CDH9: variants seen among roughly 807,000 people sequenced by gnomAD.
CDH9 encodes cadherin 9.
Under a neutral mutation model 70.9 loss-of-function variants are expected in CDH9, and 28 were observed. The ratio of observed to expected loss-of-function variants is 0.40; its 90% CI spans 0.29 to 0.54. The LOEUF is 0.54. Ranked by LOEUF, CDH9 falls within the 20% of genes least tolerant of loss-of-function variation. CDH9 has a pLI of 0.59. For missense variants in CDH9, 874 were observed against 984.4 expected (o/e 0.89, Z 1.50); for synonymous variants, 409 against 343.1 (o/e 1.19, Z -2.12).
intron 2 of CDH9, among the ~76,000 whole-genome samples, chr5:26,917,824 C>T (rs865891491): frequency 6.6e-6 from 1 of 152,056 alleles, no homozygotes; most frequent in Non-Finnish European, 1.5e-5. Flanking sequence ...GATTTTTCCA[C>T]ATCACAAATG....
intron 7 of CDH9, among the ~76,000 whole-genome samples, chr5:26,896,054 T>C (rs773100787): frequency 3.9e-5 from 6 of 152,040 alleles, no homozygotes. Flanking sequence ...ATCTGAAGAA[T>C]ACAATTTGAG....
At chr5:26,913,582 G>A (rs933891077) in intron 3 of CDH9, among the ~76,000 whole-genome samples, 7 of 152,128 alleles carry the variant, frequency 4.6e-5, no homozygotes, top group South Asian at 2.1e-4. Context: ...ACACTGATCC[G>A]AAGTTGTACT....
chr5:26,979,346 T>TA (rs1742359147), intron 2 of CDH9, among the ~76,000 whole-genome samples: 1 of 150,990 alleles, frequency 6.6e-6, no homozygotes, highest in South Asian at 2.1e-4. Context: ...AAATACAGAC[T>TA]AAAAACATAA....
intron 2 of CDH9, 49 bp from the exon 3 acceptor site, chr5:26,915,973 T>A: frequency 4.7e-6 from 6 of 1,274,872 alleles, no homozygotes; most frequent in Non-Finnish European, 6.6e-6. Context: ...ACATTATCAT[T>A]ACATAAAACA....
At position 26,915,633 on chromosome 5, in the gene CDH9, C is replaced by T. The variant is rs1325799599; in HGVS notation, c.520G>A (p.Val174Ile). 1.3e-6 allele frequency: 2 copies of T among 1,574,800 alleles called. No individual in the cohort carries two copies. Among genetic ancestry groups the T allele is most frequent in the East Asian group, 2.2e-5 (1 of 44,694 alleles). Residue 174 changes from valine to isoleucine, a missense_variant, in exon 3 of 12, where the codon GTC becomes ATC. Transcript: ENST00000231021. ...ACATGGATTAGAATATACCTACCGA[C>T]TCCAGACATTTCAGGAACACTGGCA... ...YTASVPEMSG[V>I]GTSVIQVTAT...
chr5:26,958,128 G>A lies in CDH9; in HGVS notation c.228+29978C>T, dbSNP rs942450477. On this transcript the variant is annotated intron_variant, in intron 2 of 11. Transcript: ENST00000231021. Reference sequence around the variant, plus strand: ...ACAACAACAGCAACAAAGAATACTTGAGTGAGGAATGGAAGAGTCTTTATT... The same window carrying A: ...ACAACAACAGCAACAAAGAATACTTAAGTGAGGAATGGAAGAGTCTTTATT... 5.3e-5 allele frequency among the ~76,000 whole-genome samples: 8 copies of A among 152,174 alleles called. No individual in the cohort carries two copies. In the East Asian group the frequency reaches 1.5e-3, roughly 29 times the overall value.
At chr5:26,974,367 A>C (rs1331608796) in intron 2 of CDH9, among the ~76,000 whole-genome samples, 2 of 152,192 alleles carry the variant, frequency 1.3e-5, no homozygotes, top group African/African-American at 4.8e-5. Flanking sequence ...TCTTTGTAGA[A>C]TTCCAACAAA....
intron 1 of CDH9, among the ~76,000 whole-genome samples, chr5:26,997,293 A>G (rs949661208): frequency 1.6e-4 from 25 of 151,884 alleles, no homozygotes; most frequent in South Asian, 4.2e-4. Flanking sequence ...GTGTGTGTGT[A>G]TATATGTCCA....
intron 1 of CDH9, among the ~76,000 whole-genome samples, chr5:27,020,747 CTATATATA>C (rs111950049): frequency 7.3e-6 from 1 of 137,764 alleles, no homozygotes; most frequent in Non-Finnish European, 1.6e-5. Flanking sequence ...CACACACACA[CTATATATA>C]TATATATATG....
At chr5:26,970,864 T>C (rs1436787685) in intron 2 of CDH9, among the ~76,000 whole-genome samples, 1 of 152,126 alleles carries the variant, frequency 6.6e-6, no homozygotes, top group Non-Finnish European at 1.5e-5. Context: ...GTGATTCAAA[T>C]GTCTAGTGTA....
chr5:26,917,793 A>G (rs1741174066), intron 2 of CDH9, among the ~76,000 whole-genome samples: 1 of 151,824 alleles, frequency 6.6e-6, no homozygotes, highest in South Asian at 2.1e-4. Context: ...ACTCCAAGCA[A>G]TTTTTCATAC....
chr5:26,954,049 A>G (rs1330451795), intron 2 of CDH9, among the ~76,000 whole-genome samples: 1 of 152,118 alleles, frequency 6.6e-6, no homozygotes, highest in Non-Finnish European at 1.5e-5. Flanking sequence ...GCTATTATCT[A>G]CCTTTCCAAA....
chr5:27,037,936 A>G (rs192388145), intron 1 of CDH9, among the ~76,000 whole-genome samples: 6 of 152,102 alleles, frequency 3.9e-5, no homozygotes, highest in Non-Finnish European at 7.4e-5. Flanking sequence ...TGGCATTTTT[A>G]CTATTCATAT....
chr5:27,025,775 C>G (rs1743211046), intron 1 of CDH9, among the ~76,000 whole-genome samples: 1 of 151,990 alleles, frequency 6.6e-6, no homozygotes, highest in Admixed American at 6.6e-5. Context: ...TCTCGTGCCT[C>G]CATGAAGAAT....
intron 2 of CDH9, among the ~76,000 whole-genome samples, chr5:26,954,409 T>C (rs1275485950): frequency 1.4e-5 from 2 of 146,436 alleles, no homozygotes; most frequent in African/African-American, 2.6e-5. Context: ...TTTTGAGACA[T>C]AGTCTCGCTC....
chr5:27,021,150 ATAT>A (rs1743131389), intron 1 of CDH9, among the ~76,000 whole-genome samples: 1 of 151,764 alleles, frequency 6.6e-6, no homozygotes, highest in Non-Finnish European at 1.5e-5. Flanking sequence ...TCCTATTTTC[ATAT>A]TATAATCTGG....
At chr5:26,978,617 A>C (rs1742344270) in intron 2 of CDH9, among the ~76,000 whole-genome samples, 2 of 151,688 alleles carry the variant, frequency 1.3e-5, no homozygotes, top group African/African-American at 4.8e-5. Context: ...TTTAAAATCC[A>C]ATGAAAACAA....
chr5:26,885,172 G>T (rs938102788), intron 11 of CDH9, among the ~76,000 whole-genome samples: 1 of 152,114 alleles, frequency 6.6e-6, no homozygotes, highest in Admixed American at 6.6e-5. Flanking sequence ...TAATAGAAAG[G>T]AGAACTCTAT....
chr5:26,943,614 T>C (rs756942896), intron 2 of CDH9, among the ~76,000 whole-genome samples: 1 of 152,038 alleles, frequency 6.6e-6, no homozygotes, highest in Non-Finnish European at 1.5e-5. Flanking sequence ...GGGCTAAGAC[T>C]GTTTAAAGGC....
Sources: gnomAD v4.1 joint callset for allele counts (sites outside exome capture counted in the v4.1 genomes callset) on GRCh38, gnomAD v4.1.1 for gene constraint, MANE v1.5 for transcripts, NCBI Gene and HGNC (gene_info 2026-07-23, HGNC 2026-07-21) for gene names.